The following TMEM169 variants were observed in gnomAD, a reference collection of about 807,000 sequenced individuals.
TMEM169 encodes transmembrane protein 169.
A neutral mutation model predicts 27.3 loss-of-function variants in TMEM169; 18 were observed. The observed-to-expected ratio is 0.66, with a 90% CI of 0.46 to 0.98. The LOEUF is 0.98. Among genes scored for constraint, TMEM169 ranks in the 50% least tolerant of loss-of-function variants. The probability of loss-of-function intolerance (pLI) is 0.00; values close to 1 mark genes in which losing one functional copy is unlikely to be tolerated. For missense variants in TMEM169, 320 were observed against 368.6 expected (o/e 0.87, Z 1.08); for synonymous variants, 136 against 142.1 (o/e 0.96, Z 0.30).
rs1410391301 is a variant in TMEM169 at position 216,100,371 on chromosome 2, G to A, written c.723G>A (p.Trp241Ter). The A allele has an allele frequency of 6.2e-7, 1 of 1,613,868 alleles. No homozygotes were observed. Among genetic ancestry groups the A allele is most frequent in the African/African-American group, 1.3e-5 (1 of 74,860 alleles). Residue 241 changes from tryptophan to a stop codon, truncating the protein, a stop_gained, in exon 3 of 3, where the codon TGG becomes TGA. Coordinates refer to ENST00000437356, the MANE Select transcript of TMEM169 (RefSeq NM_001142311.2). LOFTEE classifies it high-confidence loss of function. The part of the protein sequence containing the change: ...VVQLSWSWEA[W>*]WQAARDMEKG... ...AGCTCTCGTGGTCCTGGGAAGCATG[G>A]TGGCAAGCTGCCCGGGACATGGAGA... is the stretch of plus-strand genomic sequence containing the variant.
At chr2:216,089,867 A>G (rs1214054340) in intron 1 of TMEM169, among the ~76,000 whole-genome samples, 1 of 152,240 alleles carries the variant, frequency 6.6e-6, no homozygotes, top group Non-Finnish European at 1.5e-5. Flanking sequence ...TAATAGGTCA[A>G]GTGTGGAAAA....
At chr2:216,095,147 A>C (rs1302127014) in intron 1 of TMEM169, among the ~76,000 whole-genome samples, 2 of 118,364 alleles carry the variant, frequency 1.7e-5, no homozygotes, top group Non-Finnish European at 3.2e-5. Flanking sequence ...TCCGTCACCC[A>C]GGCTGGAGTG....
At chr2:216,094,751 T>C (rs921876783) in intron 1 of TMEM169, among the ~76,000 whole-genome samples, 2 of 152,222 alleles carry the variant, frequency 1.3e-5, no homozygotes, top group African/African-American at 4.8e-5. Flanking sequence ...ATGACCCGCT[T>C]TCTTTAACAA....
At chr2:216,084,177 C>T (rs572161320) in intron 1 of TMEM169, among the ~76,000 whole-genome samples, 1 of 152,010 alleles carries the variant, frequency 6.6e-6, no homozygotes. Flanking sequence ...ACCCCTCCCC[C>T]ACCCCATCTG....
In TMEM169 at chr2:216,088,182, G is replaced by A. The variant is rs368341729; in HGVS notation, c.-127+6203G>A. Among the ~76,000 whole-genome samples, 50 of 147,830 alleles carry A rather than the reference G, an allele frequency of 3.4e-4. No homozygotes were observed. In the East Asian group the frequency reaches 7.2e-3, roughly 21 times the overall value. ...CAAAAAAAAAAAAAACAAACAGGCC[G>A]GGTGCAGTGGCTCACGCCTGTAATC... On this transcript the variant is annotated intron_variant, in intron 1 of 2. Transcript: ENST00000437356.
chr2:216,096,333 T>C, intron 2 of TMEM169, 99 bp downstream of exon 2: 1 of 1,346,978 alleles, frequency 7.4e-7, no homozygotes. Flanking sequence ...TATTTCTTCT[T>C]GGTGATACAT....
chr2:216,098,775 G>A (rs981534286), intron 2 of TMEM169, among the ~76,000 whole-genome samples: 4 of 150,908 alleles, frequency 2.7e-5, no homozygotes, highest in Non-Finnish European at 5.9e-5. Flanking sequence ...ATGTGGGGGT[G>A]TGTGCGCTGT....
chr2:216,097,177 G>A (rs1696282403), intron 2 of TMEM169, among the ~76,000 whole-genome samples: 1 of 152,164 alleles, frequency 6.6e-6, no homozygotes, highest in Admixed American at 6.5e-5. Context: ...TGTTATCCTT[G>A]TATAAGGAGG....
chr2:216,087,747 G>T (rs12475225), intron 1 of TMEM169, among the ~76,000 whole-genome samples: 2 of 152,094 alleles, frequency 1.3e-5, no homozygotes, highest in African/African-American at 2.4e-5. Context: ...TGAACAATAC[G>T]ATTATTGTAA....
intron 1 of TMEM169, among the ~76,000 whole-genome samples, chr2:216,089,515 G>A (rs1696079329): frequency 6.6e-6 from 1 of 152,092 alleles, no homozygotes; most frequent in Non-Finnish European, 1.5e-5. Context: ...TGGATGCAGT[G>A]GCACGATCTC....
rs372176280 is a variant in TMEM169 at position 216,096,129 on chromosome 2, C to G, written c.166C>G (p.Arg56Gly). 52 of 1,613,994 alleles carry G rather than the reference C, an allele frequency of 3.2e-5. No homozygotes were observed. The highest frequency in any genetic ancestry group is 4.3e-5 in the Non-Finnish European group (51 of 1,180,028). Residue 56 changes from arginine to glycine, a missense_variant, in exon 2 of 3, where the codon CGC (arginine) becomes GGC (glycine). Arg to Gly is a moderately radical substitution (Grantham distance 125). Coordinates refer to ENST00000437356, the MANE Select transcript of TMEM169 (RefSeq NM_001142311.2). ...ACGCCCAGAATCCATCATCATCTAC[C>G]GCTCAGACAATGAGAAAACAGATGA... ...ESRPESIIIYRSDNEKTDEEP... is the reference protein window; with the variant it reads ...ESRPESIIIYGSDNEKTDEEP...
intron 2 of TMEM169, among the ~76,000 whole-genome samples, chr2:216,098,457 T>C (rs1696309277): frequency 1.3e-5 from 2 of 152,004 alleles, no homozygotes; most frequent in African/African-American, 4.8e-5. Context: ...GGAGGATAGA[T>C]GGTGGTGGTG....
chr2:216,098,786 TTGTG>T (rs1245444286), intron 2 of TMEM169, among the ~76,000 whole-genome samples: 1 of 147,626 alleles, frequency 6.8e-6, no homozygotes, highest in Non-Finnish European at 1.5e-5. Context: ...TGTGCGCTGT[TTGTG>T]TGTGTCGTAT....
intron 1 of TMEM169, among the ~76,000 whole-genome samples, chr2:216,093,428 G>C (rs1696185854): frequency 6.6e-6 from 1 of 152,016 alleles, no homozygotes; most frequent in African/African-American, 2.4e-5. Flanking sequence ...TGAATCTCCT[G>C]GTCCAGAAAG....
chr2:216,086,862 G>A (rs1480294962), intron 1 of TMEM169, among the ~76,000 whole-genome samples: 1 of 152,226 alleles, frequency 6.6e-6, no homozygotes, highest in African/African-American at 2.4e-5. Context: ...TAAGTATTAA[G>A]TGTATGGTTC....
At position 216,099,245 on chromosome 2, in the gene TMEM169, G is replaced by A. The variant is rs886228265; in HGVS notation, c.272-675G>A. On this transcript the variant is annotated intron_variant, in intron 2 of 2. Coordinates refer to ENST00000437356, the MANE Select transcript of TMEM169 (RefSeq NM_001142311.2). The surrounding 1 kb of genome is among the most constrained non-coding windows in gnomAD (Gnocchi z 5.0). The stretch of plus-strand genomic sequence containing the variant: ...TGTTTGGTATATGTGGTGTGGGTAT[G>A]TGGTGTGTATGTGGTATGTGTGATG... 3.3e-5 allele frequency among the ~76,000 whole-genome samples: 5 copies of A among 150,730 alleles called. No individual in the cohort carries two copies. Among genetic ancestry groups the A allele is most frequent in the African/African-American group, 1.2e-4 (5 of 40,986 alleles).
chr2:216,097,570 A>T (rs1441215596), intron 2 of TMEM169, among the ~76,000 whole-genome samples: 1 of 152,062 alleles, frequency 6.6e-6, no homozygotes, highest in Non-Finnish European at 1.5e-5. Context: ...GCAAGACAAC[A>T]TCTCGAAAAA....
chr2:216,097,123 T>C (rs184653086), intron 2 of TMEM169, among the ~76,000 whole-genome samples: 1 of 152,360 alleles, frequency 6.6e-6, no homozygotes, highest in African/African-American at 2.4e-5. Flanking sequence ...GCATACCTCA[T>C]GACCCAGAAA....
rs370702873 is a variant in TMEM169 at position 216,099,274 on chromosome 2, A to ATGGTGTG, written c.272-629_272-623dup. On this transcript the variant is annotated intron_variant, in intron 2 of 2. Coordinates refer to ENST00000437356, the MANE Select transcript of TMEM169 (RefSeq NM_001142311.2). This position sits in a 1 kb window ranked among gnomAD's most constrained non-coding sequence, Gnocchi z 5.0. Reference sequence around the variant, plus strand: ...TGTGTATGTGGTATGTGTGATGTGCATGGTGTGTGGTGTGTGGTGTGTGTA... The same window carrying ATGGTGTG: ...TGTGTATGTGGTATGTGTGATGTGCATGGTGTGTGGTGTGTGGTGTGTGGTGTGTGTA... Among the ~76,000 whole-genome samples the ATGGTGTG allele has an allele frequency of 7.0e-6, 1 of 143,592 alleles. No homozygotes were observed. Among genetic ancestry groups the ATGGTGTG allele is most frequent in the Non-Finnish European group, 1.5e-5 (1 of 65,286 alleles). 94.2% of individuals were successfully genotyped at this position (143,592 alleles called of 152,430 possible). A position where few individuals can be genotyped will look rare whatever the true frequency, so the allele number is the denominator to read the frequency against.
Sources: allele counts gnomAD v4.1 joint callset (sites outside exome capture counted in the v4.1 genomes callset), GRCh38; gene constraint gnomAD v4.1.1; non-coding constraint Gnocchi (gnomAD v3.1); transcripts MANE v1.5; gene names NCBI Gene and HGNC (gene_info 2026-07-23, HGNC 2026-07-21).